Variants in CCDC171 observed in about 807,000 individuals in gnomAD.
CCDC171 encodes the protein coiled-coil domain-containing protein 171.
In CCDC171, 177 loss-of-function variants were observed where a neutral mutation model predicts 168.2. The observed-to-expected ratio is 1.05, with a 90% confidence interval of 0.93 to 1.19. The LOEUF (loss-of-function observed/expected upper bound fraction) is 1.19. CCDC171 is among the 50% of genes most tolerant of loss of function. The probability of loss-of-function intolerance (pLI) is 0.00; values close to 1 mark genes in which losing one functional copy is unlikely to be tolerated. For missense variants in CCDC171, 1,991 were observed against 1,539.0 expected (o/e 1.29, Z -4.91); for synonymous variants, 687 against 540.8 (o/e 1.27, Z -3.75).
intron 21 of CCDC171, among the ~76,000 whole-genome samples, chr9:15,824,698 G>A (rs1253385626): frequency 6.6e-6 from 1 of 152,084 alleles, no homozygotes; most frequent in Non-Finnish European, 1.5e-5. Context: ...AACTCTTTAA[G>A]AAACAAGTAT....
intron 24 of CCDC171, among the ~76,000 whole-genome samples, chr9:15,891,554 A>G (rs546605547): frequency 3.9e-5 from 6 of 152,308 alleles, no homozygotes; most frequent in Middle Eastern, 3.4e-3. Flanking sequence ...AGTGTAAATC[A>G]GAAAGAGATA....
chr9:16,064,555 A>G (rs1236692818), downstream of CCDC171, among the ~76,000 whole-genome samples: 1 of 152,184 alleles, frequency 6.6e-6, no homozygotes, highest in Non-Finnish European at 1.5e-5. Flanking sequence ...GATTCTTTTT[A>G]GGGCCTGTCA....
intron 25 of CCDC171, among the ~76,000 whole-genome samples, chr9:15,933,407 C>G (rs1247061377): frequency 6.6e-6 from 1 of 151,362 alleles, no homozygotes; most frequent in African/African-American, 2.4e-5. Context: ...CTTTCTTTTT[C>G]TTAGTCTTGC....
At chr9:15,978,893 C>T (rs1199268799), downstream of CCDC171, among the ~76,000 whole-genome samples, 3 of 152,130 alleles carry the variant, frequency 2.0e-5, no homozygotes, top group Admixed American at 6.6e-5. Context: ...CAATCACTTT[C>T]CATTCCCCAA....
intron 3 of CCDC171, among the ~76,000 whole-genome samples, chr9:16,018,655 G>A (rs146946933): frequency 9.7e-4 from 147 of 152,330 alleles, no homozygotes; most frequent in African/African-American, 3.2e-3. Context: ...CACTGATTAC[G>A]TAGAATATAA....
At position 15,589,318 on chromosome 9, in the gene CCDC171, C is replaced by A. The variant is rs187461613; in HGVS notation, c.353-2048C>A. Among the ~76,000 whole-genome samples, 12 of 152,302 alleles carry A rather than the reference C, an allele frequency of 7.9e-5. 1 individual carries two copies. The East Asian group carries it at 2.1e-3, about 27-fold the overall frequency. ...GCCCAGACATCTCTTGGGATTGACTCCCAGTAATTGGTTGCCAGTGTATCA... is the reference window on the plus strand; with the variant it reads ...GCCCAGACATCTCTTGGGATTGACTACCAGTAATTGGTTGCCAGTGTATCA... On this transcript the variant is annotated intron_variant, in intron 4 of 25. Coordinates refer to ENST00000380701, the MANE Select transcript of CCDC171 (RefSeq NM_173550.4).
chr9:15,572,956 C>G (rs894210093), intron 3 of CCDC171, among the ~76,000 whole-genome samples: 1 of 152,110 alleles, frequency 6.6e-6, no homozygotes, highest in Non-Finnish European at 1.5e-5. Context: ...GTCAGGAGTT[C>G]GAGATCAGCC....
chr9:15,759,647 G>C (rs1260804056), intron 18 of CCDC171, among the ~76,000 whole-genome samples: 1 of 152,070 alleles, frequency 6.6e-6, no homozygotes, highest in African/African-American at 2.4e-5. Context: ...ATATCCCTTA[G>C]TTTTGATTTG....
chr9:15,783,939 C>T (rs1343928615), intron 20 of CCDC171, among the ~76,000 whole-genome samples: 1 of 152,076 alleles, frequency 6.6e-6, no homozygotes, highest in Non-Finnish European at 1.5e-5. Flanking sequence ...GGATGCTACA[C>T]CTTTATATGT....
At chr9:15,902,946 G>C (rs922505109) in intron 24 of CCDC171, among the ~76,000 whole-genome samples, 2 of 152,228 alleles carry the variant, frequency 1.3e-5, no homozygotes, top group Non-Finnish European at 1.5e-5. Context: ...AAGCACAGCA[G>C]TCTGAGATCA....
At chr9:15,726,521 T>C (rs2053812169) in intron 14 of CCDC171, among the ~76,000 whole-genome samples, 1 of 152,216 alleles carries the variant, frequency 6.6e-6, no homozygotes, top group East Asian at 1.9e-4. Flanking sequence ...GCAAAAGTCA[T>C]CATTAACTGC....
intron 10 of CCDC171, among the ~76,000 whole-genome samples, chr9:15,685,762 A>C (rs1264312945): frequency 6.6e-6 from 1 of 152,144 alleles, no homozygotes; most frequent in African/African-American, 2.4e-5. Flanking sequence ...AGGAAAAAAA[A>C]CTTGTCAACT....
chr9:15,666,930 T>G (rs1471388639), intron 9 of CCDC171, among the ~76,000 whole-genome samples: 1 of 152,208 alleles, frequency 6.6e-6, no homozygotes, highest in Non-Finnish European at 1.5e-5. Context: ...GTGGCTCACT[T>G]CATACCTAGC....
chr9:15,661,028 C>A (rs1263719097), intron 8 of CCDC171, among the ~76,000 whole-genome samples: 2 of 152,208 alleles, frequency 1.3e-5, no homozygotes, highest in African/African-American at 2.4e-5. Flanking sequence ...CGCCTGTAAT[C>A]CCAGCACTTT....
At chr9:15,631,681 T>G (rs540553807) in intron 7 of CCDC171, among the ~76,000 whole-genome samples, 1 of 152,288 alleles carries the variant, frequency 6.6e-6, no homozygotes, top group South Asian at 2.1e-4. Flanking sequence ...GAGGCCAGCA[T>G]CATTCTGATA....
downstream of CCDC171, among the ~76,000 whole-genome samples, chr9:16,066,397 T>A (rs1375843677): frequency 6.6e-6 from 1 of 151,950 alleles, no homozygotes; most frequent in Non-Finnish European, 1.5e-5. Context: ...AAGGGAAAAA[T>A]CCCCTGTCAT....
downstream of CCDC171, among the ~76,000 whole-genome samples, chr9:15,978,245 A>G (rs949675725): frequency 6.6e-6 from 1 of 152,202 alleles, no homozygotes; most frequent in African/African-American, 2.4e-5. Flanking sequence ...ATTAGTCTAA[A>G]TATGTGCTCT....
At chr9:15,925,176 C>T (rs992944962) in intron 25 of CCDC171, among the ~76,000 whole-genome samples, 3 of 151,628 alleles carry the variant, frequency 2.0e-5, no homozygotes, top group East Asian at 3.9e-4. Context: ...CAAGACAATG[C>T]ACTGAAAGGA....
chr9:15,625,735 T>C (rs2045025495), intron 7 of CCDC171, among the ~76,000 whole-genome samples: 1 of 152,254 alleles, frequency 6.6e-6, no homozygotes, highest in Non-Finnish European at 1.5e-5. Flanking sequence ...TATTATAGTT[T>C]GAAGTCAGGT....
Sources: gnomAD v4.1 joint callset for allele counts (sites outside exome capture counted in the v4.1 genomes callset) on GRCh38, gnomAD v4.1.1 for gene constraint, MANE v1.5 for transcripts, NCBI Gene and HGNC (gene_info 2026-07-23, HGNC 2026-07-21) for gene names.